The following PPM1H variants were observed in gnomAD, a reference collection of about 807,000 sequenced individuals.
The protein encoded by PPM1H is protein phosphatase, Mg2+/Mn2+ dependent 1H.
Under a neutral mutation model 54.9 loss-of-function variants are expected in PPM1H, and 27 were observed. The ratio of observed to expected loss-of-function variants is 0.49; its 90% CI spans 0.36 to 0.68. The LOEUF (loss-of-function observed/expected upper bound fraction) is 0.68. Among genes scored for constraint, PPM1H ranks in the 30% least tolerant of loss-of-function variants. PPM1H has a pLI of 0.00. For synonymous variants in PPM1H, 305 were observed against 270.8 expected, an observed-to-expected ratio of 1.13 and a Z score of -1.24; for missense variants, 596 against 667.8, an observed-to-expected ratio of 0.89 and a Z score of 1.19.
chr12:62,920,490 T>G (rs1331624929), intron 1 of PPM1H, among the ~76,000 whole-genome samples: 8 of 150,558 alleles, frequency 5.3e-5, no homozygotes, highest in South Asian at 2.1e-4. Context: ...ATGAGGTTTT[T>G]TTTTTTTTTT....
In PPM1H at chr12:62,655,712, C is replaced by T. The variant is rs1025902917; in HGVS notation, c.1398-7076G>A. 7.2e-5 allele frequency among the ~76,000 whole-genome samples: 11 copies of T among 152,262 alleles called. No homozygotes were observed. The East Asian group carries it at 7.7e-4, about 11-fold the overall frequency. On this transcript the variant is annotated intron_variant, in intron 9 of 9. Coordinates refer to ENST00000228705, the MANE Select transcript of PPM1H (RefSeq NM_020700.2). ...ACACCAACTGGGACTGTGTGGCAGC[C>T]GGAGCCCGATGCTTCTGGAAGCTGT...
intron 1 of PPM1H, among the ~76,000 whole-genome samples, chr12:62,869,643 C>T (rs1869908621): frequency 1.3e-5 from 2 of 152,172 alleles, no homozygotes; most frequent in Admixed American, 6.5e-5. Context: ...AGCATGACAA[C>T]ATCCCATCTC....
At chr12:62,754,705 C>A (rs2076460620) in intron 4 of PPM1H, among the ~76,000 whole-genome samples, 2 of 152,224 alleles carry the variant, frequency 1.3e-5, no homozygotes, top group Admixed American at 6.5e-5. Flanking sequence ...CAAACCCCTT[C>A]CTTGTCCAGC....
At chr12:62,722,958 C>T (rs1005044650) in intron 5 of PPM1H, among the ~76,000 whole-genome samples, 2 of 152,140 alleles carry the variant, frequency 1.3e-5, no homozygotes, top group Non-Finnish European at 2.9e-5. Flanking sequence ...GGGTTACATC[C>T]CAGTAAACCC....
chr12:62,903,864 T>C (rs1347430602), intron 1 of PPM1H, among the ~76,000 whole-genome samples: 4 of 152,056 alleles, frequency 2.6e-5, no homozygotes, highest in Non-Finnish European at 4.4e-5. Context: ...AACTGAGAAA[T>C]AGAAAGGCAG....
At chr12:62,799,608 G>A (rs528625087) in intron 3 of PPM1H, among the ~76,000 whole-genome samples, 7 of 152,338 alleles carry the variant, frequency 4.6e-5, no homozygotes, top group East Asian at 1.9e-4. Context: ...CCACGACTGA[G>A]TGGGAGTCAA....
intron 1 of PPM1H, among the ~76,000 whole-genome samples, chr12:62,878,947 GA>G (rs1171743328): frequency 6.7e-6 from 1 of 150,342 alleles, no homozygotes; most frequent in African/African-American, 2.4e-5. Context: ...CTCAAAAAAA[GA>G]AAAAAAAAGA....
At position 62,781,008 on chromosome 12, in the gene PPM1H, C is replaced by T. The variant is rs566644381; in HGVS notation, c.869+7218G>A. Among the ~76,000 whole-genome samples, 25 of 152,290 alleles carry T rather than the reference C, an allele frequency of 1.6e-4. No homozygotes were observed. In the South Asian group the frequency reaches 3.5e-3, roughly 21 times the overall value. On this transcript the variant is annotated intron_variant, in intron 4 of 9. Transcript: ENST00000228705. ...CTTTCAGTGTGTAAGAGACACGGGA[C>T]GTGTTTCAAGGCACAGCTTGGTTGG...
At chr12:62,724,986 G>A (rs1380371987) in intron 5 of PPM1H, among the ~76,000 whole-genome samples, 1 of 152,184 alleles carries the variant, frequency 6.6e-6, no homozygotes, top group East Asian at 1.9e-4. Context: ...TGTTTCATGA[G>A]AGCACCGGTG....
At chr12:62,714,132 C>G (rs570217677) in intron 6 of PPM1H, among the ~76,000 whole-genome samples, 105 of 152,262 alleles carry the variant, frequency 6.9e-4, no homozygotes, top group African/African-American at 2.5e-3. Context: ...TGGAGACGTT[C>G]TATATCTGCA....
chr12:62,774,927 G>A (rs2120661706), intron 4 of PPM1H, among the ~76,000 whole-genome samples: 1 of 152,300 alleles, frequency 6.6e-6, no homozygotes, highest in Middle Eastern at 3.4e-3. Context: ...GTGGGAACTT[G>A]AGAAAGACAA....
At chr12:62,746,743 A>C (rs764848268) in intron 4 of PPM1H, among the ~76,000 whole-genome samples, 1 of 152,226 alleles carries the variant, frequency 6.6e-6, no homozygotes, top group Non-Finnish European at 1.5e-5. Context: ...CTTTCCTTCT[A>C]GATGGTCTCA....
chr12:62,783,051 G>C (rs529249401), intron 4 of PPM1H, among the ~76,000 whole-genome samples: 5 of 152,172 alleles, frequency 3.3e-5, no homozygotes, highest in South Asian at 4.2e-4. Context: ...AGGCTGGTCT[G>C]CAACTCTTAG....
chr12:62,908,585 A>G (rs1031983619), intron 1 of PPM1H, among the ~76,000 whole-genome samples: 3 of 152,198 alleles, frequency 2.0e-5, no homozygotes, highest in African/African-American at 7.2e-5. Flanking sequence ...AAGGTTGAGT[A>G]GAAGTCCACG....
chr12:62,871,616 G>A (rs1869988444), intron 1 of PPM1H, among the ~76,000 whole-genome samples: 1 of 149,832 alleles, frequency 6.7e-6, no homozygotes. Flanking sequence ...CTGGATTCAA[G>A]CCATCCTCCC....
intron 1 of PPM1H, among the ~76,000 whole-genome samples, chr12:62,885,883 A>C (rs1088467): frequency 0.026 from 4,013 of 152,328 alleles, 144 homozygotes; most frequent in African/African-American, 0.077. Context: ...TTCATGAAAT[A>C]TCAGGTATCA....
intron 9 of PPM1H, among the ~76,000 whole-genome samples, chr12:62,653,536 T>A (rs1352441405): frequency 6.6e-6 from 1 of 152,224 alleles, no homozygotes; most frequent in Non-Finnish European, 1.5e-5. Flanking sequence ...AGTTTAACTC[T>A]CTTCTAAACT....
intron 1 of PPM1H, among the ~76,000 whole-genome samples, chr12:62,839,001 G>C (rs1868618423): frequency 6.6e-6 from 1 of 151,430 alleles, no homozygotes; most frequent in Non-Finnish European, 1.5e-5. Flanking sequence ...GTGGCAGGGG[G>C]ACAGGAGATC....
chr12:62,722,190 A>C (rs1832021191), intron 5 of PPM1H, among the ~76,000 whole-genome samples: 1 of 152,180 alleles, frequency 6.6e-6, no homozygotes, highest in African/African-American at 2.4e-5. Flanking sequence ...CAAAGGCATA[A>C]GTGGTCAACG....
Sources: allele counts gnomAD v4.1 joint callset (sites outside exome capture counted in the v4.1 genomes callset), GRCh38; gene constraint gnomAD v4.1.1; transcripts MANE v1.5; gene names NCBI Gene and HGNC (gene_info 2026-07-23, HGNC 2026-07-21).